The following AFG1L variants were observed in gnomAD, a reference collection of about 807,000 sequenced individuals.
The protein encoded by AFG1L is AFG1 like ATPase.
AFG1L carries 53 observed loss-of-function variants against 62.2 expected under a neutral mutation model. The observed-to-expected ratio is 0.85, with a 90% CI of 0.68 to 1.07. The LOEUF is 1.07. AFG1L is among the 50% of genes least tolerant of loss of function. The probability of loss-of-function intolerance (pLI) is 0.00; values close to 1 mark genes in which losing one functional copy is unlikely to be tolerated. For missense variants in AFG1L, 555 were observed against 590.5 expected (o/e 0.94, Z 0.62); for synonymous variants, 228 against 210.3 (o/e 1.08, Z -0.73).
intron 2 of AFG1L, among the ~76,000 whole-genome samples, chr6:108,325,775 T>C (rs1778019048): frequency 6.6e-6 from 1 of 151,862 alleles, no homozygotes; most frequent in South Asian, 2.1e-4. Context: ...CATAAGCCAC[T>C]GCACCTGACC....
Position 108,507,069 on chromosome 6 carries a change from TTCTC to T in AFG1L, c.1063-3142_1063-3139del, listed in dbSNP as rs1332500684. ...TTTGATAAATACATTTCATTCTTCTTTCTCATGTTTTTAAAGAAAAAAGTAGTAT... is the reference window on the plus strand; with the variant it reads ...TTTGATAAATACATTTCATTCTTCTTATGTTTTTAAAGAAAAAAGTAGTAT... On this transcript the variant is annotated intron_variant, in intron 10 of 12. Coordinates refer to ENST00000368977, the MANE Select transcript of AFG1L (RefSeq NM_145315.5). Among the ~76,000 whole-genome samples the T allele has an allele frequency of 2.0e-5, 3 of 152,218 alleles. No homozygotes were observed. In the South Asian group the frequency reaches 6.2e-4, roughly 32 times the overall value.
chr6:108,365,147 A>G (rs1177496379), intron 5 of AFG1L, among the ~76,000 whole-genome samples: 2 of 152,158 alleles, frequency 1.3e-5, no homozygotes, highest in Non-Finnish European at 2.9e-5. Flanking sequence ...GAAATGTGCT[A>G]TCAAAGAAAG....
chr6:108,442,292 C>G (rs901118921), intron 7 of AFG1L, among the ~76,000 whole-genome samples: 2 of 151,918 alleles, frequency 1.3e-5, no homozygotes, highest in African/African-American at 4.8e-5. Context: ...CACAGAACAT[C>G]TTGAGGCAAG....
chr6:108,460,963 GACAACA>G (rs897521423), intron 8 of AFG1L, among the ~76,000 whole-genome samples: 2 of 151,972 alleles, frequency 1.3e-5, no homozygotes, highest in South Asian at 2.1e-4. Flanking sequence ...TCTCAACAAT[GACAACA>G]ACAACAACAA....
intron 8 of AFG1L, among the ~76,000 whole-genome samples, chr6:108,470,203 C>G (rs951741512): frequency 1.3e-5 from 2 of 152,202 alleles, no homozygotes; most frequent in Non-Finnish European, 2.9e-5. Context: ...AAGTCATTCT[C>G]TTAGAGAACA....
intron 6 of AFG1L, among the ~76,000 whole-genome samples, chr6:108,382,396 T>G (rs1196816705): frequency 2.0e-5 from 3 of 152,188 alleles, no homozygotes; most frequent in Non-Finnish European, 4.4e-5. Flanking sequence ...ATTATGTGAT[T>G]CCTACTCAGA....
chr6:108,417,199 A>T (rs958027613), intron 7 of AFG1L, among the ~76,000 whole-genome samples: 11 of 150,198 alleles, frequency 7.3e-5, no homozygotes, highest in African/African-American at 2.5e-4. Flanking sequence ...GCACCACTGG[A>T]TTCCAGCGTG....
intron 2 of AFG1L, among the ~76,000 whole-genome samples, chr6:108,325,817 G>A (rs1339700789): frequency 6.7e-6 from 1 of 149,036 alleles, no homozygotes; most frequent in Non-Finnish European, 1.5e-5. Context: ...GTGTTACTCT[G>A]TCTCCCGGGC....
At position 108,466,725 on chromosome 6, in the gene AFG1L, T is replaced by TTA. The variant is rs776742421; in HGVS notation, c.891-10128_891-10127dup. ...TCCAGAACTGTGTGAGAAAAAAAAA[T>TTA]TATATATATATATTTTTTAAAATAT... On this transcript the variant is annotated intron_variant, in intron 8 of 12. Transcript: ENST00000368977. 9.6e-4 allele frequency among the ~76,000 whole-genome samples: 142 copies of TTA among 148,138 alleles called. 4 individuals carry two copies. In the East Asian group the frequency reaches 0.026, roughly 27 times the overall value.
chr6:108,309,245 A>G (rs1777316328), intron 1 of AFG1L, among the ~76,000 whole-genome samples: 1 of 152,188 alleles, frequency 6.6e-6, no homozygotes, highest in Non-Finnish European at 1.5e-5. Flanking sequence ...ATCCAGCAAC[A>G]TTTTTTATAT....
At chr6:108,329,406 C>A (rs1478677800) in intron 2 of AFG1L, among the ~76,000 whole-genome samples, 1 of 152,066 alleles carries the variant, frequency 6.6e-6, no homozygotes, top group Non-Finnish European at 1.5e-5. Context: ...TCAAGTGATT[C>A]TCCTGTCTCG....
At chr6:108,370,303 A>ATAG (rs1240473896) in intron 6 of AFG1L, among the ~76,000 whole-genome samples, 2 of 152,144 alleles carry the variant, frequency 1.3e-5, no homozygotes. Context: ...TAGATGGGGT[A>ATAG]TAGTAATATG....
chr6:108,331,339 A>G lies in AFG1L; in HGVS notation c.363+7291A>G, dbSNP rs531659557. 5.3e-5 allele frequency among the ~76,000 whole-genome samples: 8 copies of G among 152,292 alleles called. No individual in the cohort carries two copies. The East Asian group carries it at 1.5e-3, about 29-fold the overall frequency. ...ACACAAATAGACTTCATTATGGTGG[A>G]CTTATTTTTTTTCCCTCATTATACT... is the stretch of plus-strand genomic sequence containing the variant. On this transcript the variant is annotated intron_variant, in intron 2 of 12. Coordinates refer to ENST00000368977, the MANE Select transcript of AFG1L (RefSeq NM_145315.5).
At chr6:108,410,175 T>G (rs1029357377) in intron 7 of AFG1L, among the ~76,000 whole-genome samples, 2 of 151,814 alleles carry the variant, frequency 1.3e-5, no homozygotes, top group African/African-American at 2.4e-5. Context: ...AGCCATGAGG[T>G]GGGTGCCTGT....
At chr6:108,360,151 T>C (rs1247528783) in intron 5 of AFG1L, among the ~76,000 whole-genome samples, 1 of 152,208 alleles carries the variant, frequency 6.6e-6, no homozygotes, top group Non-Finnish European at 1.5e-5. Context: ...AAAGGGCTTG[T>C]ACTCTAACGG....
At chr6:108,319,145 T>C (rs1777716996) in intron 1 of AFG1L, among the ~76,000 whole-genome samples, 3 of 152,220 alleles carry the variant, frequency 2.0e-5, no homozygotes, top group Admixed American at 6.5e-5. Context: ...TAGAAGGACT[T>C]TAAGCCTCTC....
At chr6:108,365,457 A>G (rs527466715) in intron 5 of AFG1L, among the ~76,000 whole-genome samples, 1 of 148,254 alleles carries the variant, frequency 6.7e-6, no homozygotes, top group South Asian at 2.2e-4. Context: ...TTTTTAAGGG[A>G]CTATATTAGC....
intron 11 of AFG1L, among the ~76,000 whole-genome samples, chr6:108,511,337 C>T (rs370837866): frequency 2.0e-5 from 3 of 152,152 alleles, no homozygotes; most frequent in Admixed American, 2.0e-4. Flanking sequence ...TTTTAATCCG[C>T]ATGTTTTAGT....
intron 6 of AFG1L, among the ~76,000 whole-genome samples, chr6:108,373,449 C>T (rs1019882260): frequency 6.6e-6 from 1 of 152,048 alleles, no homozygotes; most frequent in African/African-American, 2.4e-5. Context: ...TAATGGGTAC[C>T]TGGGTTGATG....
Sources: gnomAD v4.1 joint callset for allele counts (sites outside exome capture counted in the v4.1 genomes callset) on GRCh38, gnomAD v4.1.1 for gene constraint, MANE v1.5 for transcripts, NCBI Gene and HGNC (gene_info 2026-07-23, HGNC 2026-07-21) for gene names.